The following CNGB1 variants were observed in gnomAD, a reference collection of about 807,000 sequenced individuals.
CNGB1 encodes the protein cyclic nucleotide gated channel subunit beta 1, also known as cyclic nucleotide-gated channel beta-1.
CNGB1 carries 126 observed loss-of-function variants against 151.7 expected under a neutral mutation model. The observed-to-expected ratio is 0.83, with a 90% CI of 0.72 to 0.96. CNGB1 has a LOEUF of 0.96. Among genes scored for constraint, CNGB1 ranks in the 40% least tolerant of loss-of-function variants. The pLI is 0.00. For missense variants in CNGB1, 1,698 were observed against 1,627.0 expected (o/e 1.04, Z -0.75); for synonymous variants, 623 against 635.1 (o/e 0.98, Z 0.29).
rs2149386597 is a variant in CNGB1 at position 57,960,077 on chromosome 16, G to C, written c.584-12C>G. On this transcript the variant is annotated splice_polypyrimidine_tract_variant and intron_variant, in intron 9 of 32. Coordinates refer to ENST00000251102, the MANE Select transcript of CNGB1 (RefSeq NM_001297.5). ...GCGTCCTGGAGGCGCTAAGCAGCGG[G>C]GAAAGCAGGAGCTAGAGACGCCATC... 6.5e-7 allele frequency: 1 copy of C among 1,544,864 alleles called. No homozygotes were observed. The highest frequency in any genetic ancestry group is 2.4e-5 in the East Asian group (1 of 41,714).
intron 17 of CNGB1, among the ~76,000 whole-genome samples, chr16:57,931,134 TTTA>T (rs1357057921): frequency 6.6e-6 from 1 of 151,428 alleles, no homozygotes; most frequent in Non-Finnish European, 1.5e-5. Flanking sequence ...TACTATATTA[TTTA>T]TTTATTTTAA....
At chr16:57,935,621 C>T (rs2149374143) in intron 16 of CNGB1, among the ~76,000 whole-genome samples, 1 of 152,138 alleles carries the variant, frequency 6.6e-6, no homozygotes, top group South Asian at 2.1e-4. Flanking sequence ...ACACTCCAGC[C>T]CGAGCAACAG....
chr16:57,936,186 A>G (rs939888194), intron 16 of CNGB1, among the ~76,000 whole-genome samples: 1 of 152,114 alleles, frequency 6.6e-6, no homozygotes, highest in Non-Finnish European at 1.5e-5. Flanking sequence ...TGTCACAATC[A>G]ATGGATCCAG....
At chr16:57,896,773 C>T (rs1484839534) in intron 31 of CNGB1, among the ~76,000 whole-genome samples, 1 of 150,198 alleles carries the variant, frequency 6.7e-6, no homozygotes, top group East Asian at 1.9e-4. Flanking sequence ...AAATAACTGG[C>T]CTATATGCTT....
At chr16:57,949,137 G>C (rs553159896) in intron 14 of CNGB1, among the ~76,000 whole-genome samples, 22 of 152,156 alleles carry the variant, frequency 1.4e-4, no homozygotes, top group South Asian at 8.3e-4. Context: ...TGTGTGTGGG[G>C]GGGGATGTGG....
intron 31 of CNGB1, among the ~76,000 whole-genome samples, chr16:57,892,723 C>A (rs572668728): frequency 6.6e-6 from 1 of 152,236 alleles, no homozygotes; most frequent in East Asian, 1.9e-4. Flanking sequence ...GTTGTGCCAC[C>A]CACACACTAA....
intron 18 of CNGB1, chr16:57,923,062 G>A (rs1961087344): frequency 2.2e-6 from 1 of 449,754 alleles, no homozygotes; most frequent in African/African-American, 2.0e-5. Context: ...GGACACAGCT[G>A]GGCCCAGAGG....
Position 57,931,863 on chromosome 16 carries a change from T to G in CNGB1, c.1388A>C (p.Gln463Pro). The G allele has an allele frequency of 6.2e-7, 1 of 1,614,082 alleles. No individual in the cohort carries two copies. Among genetic ancestry groups the G allele is most frequent in the Non-Finnish European group, 8.5e-7 (1 of 1,180,024 alleles). ...ATCTTCCACCTGCACTTCTGGGTGC[T>G]GTTTCGTGGCAGGCACTGGGGGAGA... ...AASSGVPATK[Q>P]HPEVQVEDTD... Residue 463 changes from glutamine (Q) to proline (P), a missense_variant, in exon 17 of 33, where the codon CAG becomes CCG. By Grantham distance (76) the Gln-to-Pro change is moderately conservative. Transcript: ENST00000251102.
At chr16:57,950,271 A>G in intron 13 of CNGB1, 110 bp downstream of exon 13, 3 of 1,326,642 alleles carry the variant, frequency 2.3e-6, no homozygotes, top group African/African-American at 1.4e-5. Flanking sequence ...GGCAGGGGGA[A>G]GCAGGCTTGG....
intron 12 of CNGB1, among the ~76,000 whole-genome samples, chr16:57,953,755 C>T (rs1962019410): frequency 6.6e-6 from 1 of 152,144 alleles, no homozygotes; most frequent in South Asian, 2.1e-4. Context: ...TAACCTCTCA[C>T]TGGATGTTTC....
intron 18 of CNGB1, among the ~76,000 whole-genome samples, chr16:57,922,409 T>C (rs927311538): frequency 7.3e-6 from 1 of 136,296 alleles, no homozygotes; most frequent in Non-Finnish European, 1.6e-5. Flanking sequence ...AGTGGTTTCT[T>C]TCTCTCTTTC....
intron 31 of CNGB1, among the ~76,000 whole-genome samples, chr16:57,895,536 T>G (rs2149354679): frequency 6.8e-6 from 1 of 148,114 alleles, no homozygotes; most frequent in East Asian, 1.9e-4. Flanking sequence ...ACATAATATA[T>G]TATATATGTA....
intron 14 of CNGB1, among the ~76,000 whole-genome samples, chr16:57,945,295 AG>A (rs1470248749): frequency 3.3e-5 from 5 of 152,192 alleles, no homozygotes; most frequent in Non-Finnish European, 7.3e-5. Context: ...TCCGGCTGCA[AG>A]GGGGATGACT....
chr16:57,962,942 C>A (rs1962297038), intron 5 of CNGB1, 32 bp downstream of exon 5: 1 of 1,612,364 alleles, frequency 6.2e-7, no homozygotes, highest in Non-Finnish European at 8.5e-7. Flanking sequence ...CCTCTCCAAC[C>A]CGGCCCCTTC....
chr16:57,941,606 T>A (rs1961669630), intron 14 of CNGB1, among the ~76,000 whole-genome samples: 1 of 152,182 alleles, frequency 6.6e-6, no homozygotes, highest in Non-Finnish European at 1.5e-5. Flanking sequence ...AATCATATGA[T>A]CATCTCAATA....
chr16:57,953,173 C>A (rs1035350297), intron 12 of CNGB1, among the ~76,000 whole-genome samples: 18 of 152,322 alleles, frequency 1.2e-4, no homozygotes, highest in Admixed American at 3.3e-4. Flanking sequence ...TCAGGGCCAT[C>A]AAATGAGGTT....
intron 23 of CNGB1, 145 bp from the exon 24 acceptor site, chr16:57,913,139 G>A: frequency 1.4e-6 from 1 of 698,664 alleles, no homozygotes; most frequent in South Asian, 1.6e-5. Context: ...GAAGTCCTCA[G>A]CCCCTTGACG....
At chr16:57,913,129 G>A (rs1960777914) in intron 23 of CNGB1, 135 bp from the exon 24 acceptor site, 1 of 757,616 alleles carries the variant, frequency 1.3e-6, no homozygotes, top group South Asian at 1.4e-5. Flanking sequence ...TTCAATATCA[G>A]AAGTCCTCAG....
At chr16:57,923,237 G>A (rs1242564038) in intron 18 of CNGB1, 36 bp downstream of exon 18, 2 of 1,206,536 alleles carry the variant, frequency 1.7e-6, no homozygotes, top group Non-Finnish European at 2.4e-6. Flanking sequence ...CCTCCCCGCA[G>A]TCTTTCAATT....
Sources: gnomAD v4.1 joint callset for allele counts (sites outside exome capture counted in the v4.1 genomes callset) on GRCh38, gnomAD v4.1.1 for gene constraint, MANE v1.5 for transcripts, NCBI Gene and HGNC (gene_info 2026-07-23, HGNC 2026-07-21) for gene names.